THADA: variants seen among roughly 807,000 people sequenced by gnomAD.
THADA encodes the protein tRNA (32-2'-O)-methyltransferase regulator THADA.
THADA carries 213 observed loss-of-function variants against 219.8 expected under a neutral mutation model. The observed-to-expected ratio is 0.97, with a 90% CI of 0.87 to 1.09. The LOEUF is 1.09. THADA is among the 50% of genes least tolerant of loss of function. The pLI is 0.00. For synonymous variants in THADA, 1,018 were observed against 828.9 expected (o/e 1.23, Z -3.92); for missense variants, 2,956 against 2,311.3 (o/e 1.28, Z -5.72).
intron 28 of THADA, among the ~76,000 whole-genome samples, chr2:43,400,478 A>ATATATATATATATATATATAT (rs10687373): frequency 0.011 from 1,241 of 116,428 alleles, 78 homozygotes; most frequent in Non-Finnish European, 0.013. Context: ...TATATATATA[A>ATATATATATATATATATATAT]ATATATACAC....
At chr2:43,424,624 A>T (rs1678179350) in intron 28 of THADA, among the ~76,000 whole-genome samples, 2 of 152,226 alleles carry the variant, frequency 1.3e-5, no homozygotes, top group African/African-American at 4.8e-5. Flanking sequence ...TCTAAATCAA[A>T]TGCATACAGT....
intron 20 of THADA, among the ~76,000 whole-genome samples, chr2:43,545,085 C>G (rs76896890): frequency 0.39 from 59,314 of 151,740 alleles, 12,712 homozygotes; most frequent in African/African-American, 0.58. Flanking sequence ...TAGCATGAAG[C>G]GTTGTTGAAT....
intron 22 of THADA, among the ~76,000 whole-genome samples, chr2:43,516,081 C>T: frequency 6.6e-6 from 1 of 152,142 alleles, no homozygotes; most frequent in East Asian, 1.9e-4. Flanking sequence ...CCTGCTCTAT[C>T]TTCACGTTAC....
intron 21 of THADA, among the ~76,000 whole-genome samples, chr2:43,534,484 C>G (rs891780042): frequency 1.3e-5 from 2 of 152,052 alleles, no homozygotes; most frequent in African/African-American, 4.8e-5. Flanking sequence ...TCCACCCTCT[C>G]AACTACTCTT....
intron 37 of THADA, 150 bp downstream of exon 37, chr2:43,232,563 G>A: frequency 3.7e-6 from 3 of 810,550 alleles, no homozygotes; most frequent in East Asian, 2.7e-5. Flanking sequence ...GTGTCCCCGT[G>A]TCCTCGGCAG....
intron 21 of THADA, among the ~76,000 whole-genome samples, chr2:43,533,797 C>G (rs1694204671): frequency 6.6e-6 from 1 of 152,090 alleles, no homozygotes; most frequent in Non-Finnish European, 1.5e-5. Flanking sequence ...GCATGCGGGG[C>G]TTAAAACCTA....
At chr2:43,370,512 T>C (rs1670675942) in intron 29 of THADA, among the ~76,000 whole-genome samples, 1 of 152,128 alleles carries the variant, frequency 6.6e-6, no homozygotes, top group East Asian at 1.9e-4. Flanking sequence ...TTGAAAACAT[T>C]TGAAACATAA....
intron 24 of THADA, among the ~76,000 whole-genome samples, chr2:43,500,531 T>C (rs1293429480): frequency 6.6e-6 from 1 of 152,144 alleles, no homozygotes; most frequent in Non-Finnish European, 1.5e-5. Context: ...GAAAAATCAA[T>C]ACAATTCATG....
At chr2:43,435,827 AGG>A (rs1379669765) in intron 26 of THADA, among the ~76,000 whole-genome samples, 1 of 147,334 alleles carries the variant, frequency 6.8e-6, no homozygotes, top group Non-Finnish European at 1.5e-5. Context: ...GAAATGCATG[AGG>A]GTTTTTTTTT....
At chr2:43,541,505 G>GA (rs1553482377) in intron 20 of THADA, among the ~76,000 whole-genome samples, 189 bp from the exon 21 acceptor site, 1 of 146,640 alleles carries the variant, frequency 6.8e-6, no homozygotes, top group Non-Finnish European at 1.5e-5. Context: ...ATCATGCTAA[G>GA]TTTTTTTTTT....
At chr2:43,540,789 C>G (rs574852643) in intron 21 of THADA, among the ~76,000 whole-genome samples, 1 of 152,304 alleles carries the variant, frequency 6.6e-6, no homozygotes, top group African/African-American at 2.4e-5. Flanking sequence ...AATCAACCAA[C>G]ATGTTACTTT....
chr2:43,506,062 GATAAA>G (rs1689631748), intron 23 of THADA, among the ~76,000 whole-genome samples: 1 of 152,118 alleles, frequency 6.6e-6, no homozygotes, highest in Non-Finnish European at 1.5e-5. Context: ...TGGCAGCTCT[GATAAA>G]ATAAACAAAT....
intron 31 of THADA, among the ~76,000 whole-genome samples, chr2:43,294,279 A>C (rs1332221878): frequency 1.3e-5 from 2 of 152,228 alleles, no homozygotes; most frequent in Non-Finnish European, 2.9e-5. Flanking sequence ...CACTGCCCTT[A>C]AGGAGTTTAT....
chr2:43,509,295 G>A (rs964132252), intron 22 of THADA, among the ~76,000 whole-genome samples: 2 of 152,160 alleles, frequency 1.3e-5, no homozygotes, highest in Non-Finnish European at 2.9e-5. Context: ...ATTTATCTGG[G>A]AAGAGGCATA....
chr2:43,474,887 C>T (rs772743148), intron 26 of THADA, among the ~76,000 whole-genome samples: 2 of 152,124 alleles, frequency 1.3e-5, no homozygotes, highest in Admixed American at 1.3e-4. Flanking sequence ...AGTCTGACCC[C>T]GTCTTCTACT....
intron 26 of THADA, among the ~76,000 whole-genome samples, chr2:43,468,463 T>G (rs1335585927): frequency 1.3e-5 from 2 of 152,206 alleles, no homozygotes; most frequent in Admixed American, 1.3e-4. Context: ...AAATATTTTT[T>G]AAAGGCCCTA....
intron 30 of THADA, among the ~76,000 whole-genome samples, chr2:43,327,605 T>C (rs1030929323): frequency 6.6e-6 from 1 of 152,170 alleles, no homozygotes; most frequent in Non-Finnish European, 1.5e-5. Flanking sequence ...CTGCCCTTTA[T>C]TTAAAATTCA....
At chr2:43,422,293 T>A (rs1677809319) in intron 28 of THADA, among the ~76,000 whole-genome samples, 1 of 152,214 alleles carries the variant, frequency 6.6e-6, no homozygotes, top group Non-Finnish European at 1.5e-5. Flanking sequence ...TGGCAGTCTC[T>A]CAAGTATATA....
chr2:43,374,728 A>G (rs971303583), intron 29 of THADA, among the ~76,000 whole-genome samples: 2 of 152,192 alleles, frequency 1.3e-5, no homozygotes, highest in African/African-American at 4.8e-5. Flanking sequence ...ATATATAGTT[A>G]ATAAGTTAAC....
Sources: allele counts gnomAD v4.1 joint callset (sites outside exome capture counted in the v4.1 genomes callset), GRCh38; gene constraint gnomAD v4.1.1; transcripts MANE v1.5; gene names NCBI Gene and HGNC (gene_info 2026-07-23, HGNC 2026-07-21).